The following GULP1 variants were observed in gnomAD, a reference collection of about 807,000 sequenced individuals.
The protein encoded by GULP1 is GULP PTB domain containing engulfment adaptor 1.
A neutral mutation model predicts 40.9 loss-of-function variants in GULP1; 19 were observed. The ratio of observed to expected loss-of-function variants is 0.46; its 90% CI spans 0.32 to 0.68. The LOEUF is 0.68. GULP1 is among the 30% of genes least tolerant of loss of function. The probability of loss-of-function intolerance (pLI) is 0.03; values close to 1 mark genes in which losing one functional copy is unlikely to be tolerated. For missense variants in GULP1, 312 were observed against 362.2 expected (o/e 0.86, Z 1.12); for synonymous variants, 119 against 117.6 (o/e 1.01, Z -0.08).
At chr2:188,574,029 A>G (rs1016177719) in intron 9 of GULP1, among the ~76,000 whole-genome samples, 2 of 152,184 alleles carry the variant, frequency 1.3e-5, no homozygotes, top group African/African-American at 4.8e-5. Context: ...TTGGTTCACA[A>G]ATATATACTT....
At chr2:188,585,056 T>C (rs1702090893) in intron 10 of GULP1, among the ~76,000 whole-genome samples, 1 of 152,158 alleles carries the variant, frequency 6.6e-6, no homozygotes, top group South Asian at 2.1e-4. Flanking sequence ...TTGGAGAAAT[T>C]GGCAAAGCGA....
chr2:188,298,460 C>T (rs1391746139), intron 1 of GULP1, among the ~76,000 whole-genome samples: 2 of 151,822 alleles, frequency 1.3e-5, no homozygotes, highest in East Asian at 1.9e-4. Context: ...TTTGAAATTA[C>T]GTAAATGCAA....
rs114395032 is a variant in GULP1, at chr2:188,542,480, A to G, written c.399+1162A>G. ...CAATGAAACATTCCTTAAGAAAAAG[A>G]TCACATTGAAAAGTTACAAAAAATA... is the stretch of plus-strand genomic sequence containing the variant. On this transcript the variant is annotated intron_variant, in intron 7 of 11. Coordinates refer to ENST00000409830, the MANE Select transcript of GULP1 (RefSeq NM_016315.4). 5.1e-3 allele frequency among the ~76,000 whole-genome samples: 783 copies of G among 152,284 alleles called. 6 individuals carry two copies. Among genetic ancestry groups the G allele is most frequent in the African/African-American group, 0.018 (737 of 41,554 alleles).
chr2:188,320,167 G>T (rs1285295419), intron 1 of GULP1, among the ~76,000 whole-genome samples: 2 of 152,136 alleles, frequency 1.3e-5, no homozygotes, highest in African/African-American at 4.8e-5. Flanking sequence ...ACCAGCTGAT[G>T]CCAAATGTCC....
chr2:188,312,368 A>G (rs1244579003), intron 1 of GULP1, among the ~76,000 whole-genome samples: 1 of 151,356 alleles, frequency 6.6e-6, no homozygotes, highest in Non-Finnish European at 1.5e-5. Context: ...CCATTGTTCA[A>G]CTCCCACTTA....
At chr2:188,428,289 C>G (rs187536456) in intron 2 of GULP1, among the ~76,000 whole-genome samples, 47 of 152,212 alleles carry the variant, frequency 3.1e-4, no homozygotes, top group African/African-American at 1.1e-3. Context: ...GGATTTTTGA[C>G]TTAATACTGG....
chr2:188,421,926 T>A (rs2055479508), intron 2 of GULP1, among the ~76,000 whole-genome samples: 1 of 152,176 alleles, frequency 6.6e-6, no homozygotes, highest in African/African-American at 2.4e-5. Context: ...TAAATAGCTG[T>A]TTCTTAATTT....
chr2:188,542,628 G>GA (rs1308006604), intron 7 of GULP1, among the ~76,000 whole-genome samples: 4 of 151,624 alleles, frequency 2.6e-5, no homozygotes, highest in East Asian at 3.9e-4. Context: ...CATTTCATCA[G>GA]AAAAAAGATG....
At chr2:188,484,097 G>T (rs927187156) in intron 4 of GULP1, among the ~76,000 whole-genome samples, 4 of 151,842 alleles carry the variant, frequency 2.6e-5, no homozygotes, top group Non-Finnish European at 4.4e-5. Context: ...TAGAAGAGAC[G>T]GGGTTTCACC....
At chr2:188,446,661 T>A (rs1027609967) in intron 2 of GULP1, among the ~76,000 whole-genome samples, 3 of 152,230 alleles carry the variant, frequency 2.0e-5, no homozygotes. Flanking sequence ...GCTTGTTACA[T>A]ACACTAGGAT....
intron 2 of GULP1, among the ~76,000 whole-genome samples, chr2:188,404,220 T>G (rs1247841593): frequency 6.6e-6 from 1 of 152,178 alleles, no homozygotes; most frequent in Non-Finnish European, 1.5e-5. Context: ...TTATAAAGAC[T>G]GGTTGTCAGC....
chr2:188,555,034 A>G (rs1050532797), intron 7 of GULP1, among the ~76,000 whole-genome samples: 2 of 152,028 alleles, frequency 1.3e-5, no homozygotes, highest in Non-Finnish European at 2.9e-5. Flanking sequence ...ATATGTGCCT[A>G]TACTGGTAAG....
At chr2:188,297,119 C>A (rs1220624978) in intron 1 of GULP1, among the ~76,000 whole-genome samples, 1 of 151,928 alleles carries the variant, frequency 6.6e-6, no homozygotes, top group African/African-American at 2.4e-5. Flanking sequence ...AAATGTTTCC[C>A]AGATAAGTAT....
intron 1 of GULP1, among the ~76,000 whole-genome samples, chr2:188,377,601 G>A (rs1252254217): frequency 6.6e-6 from 1 of 152,084 alleles, no homozygotes; most frequent in Non-Finnish European, 1.5e-5. Flanking sequence ...CACTTCATTG[G>A]CTCAGATAAG....
At position 188,574,554 on chromosome 2, in the gene GULP1, G is replaced by A. The variant is rs144829306; in HGVS notation, c.609+4434G>A. 8.5e-3 allele frequency among the ~76,000 whole-genome samples: 1,294 copies of A among 152,164 alleles called. 10 individuals are homozygous for A. The highest frequency in any genetic ancestry group is 0.024 in the Middle Eastern group (7 of 294). On this transcript the variant is annotated intron_variant, in intron 9 of 11. Coordinates refer to ENST00000409830, the MANE Select transcript of GULP1 (RefSeq NM_016315.4). ...TGGAAAGATTGCTTGAGCCGGGGAG[G>A]TGGAGGCTATGGTAAGCCTGGGAGG...
intron 1 of GULP1, among the ~76,000 whole-genome samples, chr2:188,368,923 G>GTA (rs751685636): frequency 0.57 from 61,573 of 107,194 alleles, 18,229 homozygotes; most frequent in African/African-American, 0.68. Flanking sequence ...ATATATATAT[G>GTA]TATATATATA....
chr2:188,541,530 G>A (rs1690489384), intron 7 of GULP1: 1 of 605,070 alleles, frequency 1.7e-6, no homozygotes, highest in African/African-American at 1.9e-5. Context: ...ATGGTCATGA[G>A]CATAAACTTA....
At chr2:188,487,125 TTC>T (rs1392764884) in intron 4 of GULP1, among the ~76,000 whole-genome samples, 2 of 152,052 alleles carry the variant, frequency 1.3e-5, no homozygotes, top group Admixed American at 1.3e-4. Context: ...AAACTCTCTT[TTC>T]TATAAAGATA....
intron 1 of GULP1, among the ~76,000 whole-genome samples, chr2:188,349,931 C>T (rs1175558274): frequency 6.6e-6 from 1 of 152,012 alleles, no homozygotes; most frequent in Admixed American, 6.6e-5. Context: ...ACATCTGGAT[C>T]CCCAGTTGTG....
Sources: allele counts gnomAD v4.1 joint callset (sites outside exome capture counted in the v4.1 genomes callset), GRCh38; gene constraint gnomAD v4.1.1; transcripts MANE v1.5; gene names NCBI Gene and HGNC (gene_info 2026-07-23, HGNC 2026-07-21).